Variants in NELL1 observed in about 807,000 individuals in gnomAD.
NELL1 encodes the protein neural EGFL like 1.
NELL1 carries 76 observed loss-of-function variants against 107.4 expected under a neutral mutation model. The ratio of observed to expected loss-of-function variants is 0.71; its 90% CI spans 0.59 to 0.86. The LOEUF is 0.86. Ranked by LOEUF, NELL1 falls within the 40% of genes least tolerant of loss-of-function variation. The pLI is 0.00. For missense variants in NELL1, 1,024 were observed against 1,005.5 expected (o/e 1.02, Z -0.25); for synonymous variants, 353 against 341.2 (o/e 1.03, Z -0.38).
At chr11:20,742,387 G>A (rs542255207) in intron 2 of NELL1, among the ~76,000 whole-genome samples, 2 of 152,252 alleles carry the variant, frequency 1.3e-5, no homozygotes, top group Non-Finnish European at 2.9e-5. Flanking sequence ...CTTTCCTCGA[G>A]ACTCAGGGAT....
At chr11:20,898,248 G>A (rs371488767) in intron 5 of NELL1, among the ~76,000 whole-genome samples, 1 of 152,078 alleles carries the variant, frequency 6.6e-6, no homozygotes, top group Non-Finnish European at 1.5e-5. Flanking sequence ...CCATAAAAAA[G>A]GATGAGTTCA....
intron 15 of NELL1, among the ~76,000 whole-genome samples, chr11:21,419,682 A>G (rs148349683): frequency 1.2e-4 from 19 of 152,238 alleles, no homozygotes; most frequent in African/African-American, 4.6e-4. Flanking sequence ...TTTCCCAACC[A>G]TTTGAGAGAA....
intron 2 of NELL1, among the ~76,000 whole-genome samples, chr11:20,729,120 T>A (rs1855571685): frequency 1.1e-5 from 1 of 87,558 alleles, no homozygotes; most frequent in Non-Finnish European, 2.4e-5. Context: ...ATTATTGGTA[T>A]ATAAAAATGC....
intron 2 of NELL1, among the ~76,000 whole-genome samples, chr11:20,701,270 C>T (rs1202554760): frequency 1.3e-5 from 2 of 152,122 alleles, no homozygotes; most frequent in Non-Finnish European, 2.9e-5. Context: ...TCATGATGAG[C>T]ATTTTTTCAT....
chr11:21,473,777 G>A lies in NELL1; in HGVS notation c.1646-60597G>A, dbSNP rs533919192. 7.2e-5 allele frequency among the ~76,000 whole-genome samples: 11 copies of A among 152,082 alleles called. No individual in the cohort carries two copies. The East Asian group carries it at 1.4e-3, about 19-fold the overall frequency. On this transcript the variant is annotated intron_variant, in intron 15 of 19. Coordinates refer to ENST00000357134, the MANE Select transcript of NELL1 (RefSeq NM_006157.5). ...TTCTAAGGCTTACGTGGGACACCCC[G>A]TAGTATATTGCAATATTGGAGTCAC...
intron 14 of NELL1, among the ~76,000 whole-genome samples, chr11:21,329,131 G>A (rs909953238): frequency 1.3e-5 from 2 of 152,098 alleles, no homozygotes; most frequent in African/African-American, 2.4e-5. Flanking sequence ...TGGTTCATCT[G>A]TATCCTTACC....
At chr11:20,912,453 CTGATTAT>C (rs1025214721) in intron 5 of NELL1, among the ~76,000 whole-genome samples, 1 of 152,110 alleles carries the variant, frequency 6.6e-6, no homozygotes, top group Admixed American at 6.6e-5. Context: ...GCATTCTGAG[CTGATTAT>C]GCTGTTACAA....
At chr11:21,141,827 G>A (rs1224395599) in intron 13 of NELL1, among the ~76,000 whole-genome samples, 1 of 151,870 alleles carries the variant, frequency 6.6e-6, no homozygotes, top group Non-Finnish European at 1.5e-5. Context: ...GCAATGGCAT[G>A]ATCTCGGCTC....
At chr11:20,897,311 G>A (rs972587740) in intron 5 of NELL1, among the ~76,000 whole-genome samples, 40 of 152,156 alleles carry the variant, frequency 2.6e-4, no homozygotes, top group Non-Finnish European at 4.9e-4. Flanking sequence ...AAGAAATGGG[G>A]AAAGGATTCC....
At chr11:21,573,451 C>A in intron 19 of NELL1, 42 bp downstream of exon 19, 1 of 1,550,962 alleles carries the variant, frequency 6.4e-7, no homozygotes, top group Non-Finnish European at 8.9e-7. Flanking sequence ...TGAACAATTG[C>A]CAGAGAACAC....
At chr11:20,727,388 A>G (rs1855532296) in intron 2 of NELL1, among the ~76,000 whole-genome samples, 1 of 152,204 alleles carries the variant, frequency 6.6e-6, no homozygotes, top group Admixed American at 6.5e-5. Context: ...GGCTGCATAA[A>G]TGTCTTCTTT....
chr11:21,340,601 C>T (rs1404010871), intron 14 of NELL1, among the ~76,000 whole-genome samples: 2 of 135,178 alleles, frequency 1.5e-5, no homozygotes, highest in African/African-American at 5.5e-5. Flanking sequence ...GGGTGGGCAC[C>T]TAACCCTTTA....
At chr11:21,120,120 G>A (rs1855331293) in intron 13 of NELL1, among the ~76,000 whole-genome samples, 1 of 152,032 alleles carries the variant, frequency 6.6e-6, no homozygotes, top group Non-Finnish European at 1.5e-5. Context: ...AAACCTTAAA[G>A]GAAGTTTATG....
intron 17 of NELL1, among the ~76,000 whole-genome samples, chr11:21,569,208 T>G (rs1184581574): frequency 8.2e-6 from 1 of 121,242 alleles, no homozygotes; most frequent in Non-Finnish European, 2.0e-5. Flanking sequence ...GGCACATGAC[T>G]TTATTGAAAA....
At chr11:21,149,367 A>C (rs1856061428) in intron 13 of NELL1, among the ~76,000 whole-genome samples, 1 of 152,252 alleles carries the variant, frequency 6.6e-6, no homozygotes, top group Admixed American at 6.5e-5. Flanking sequence ...TAATTGGCTC[A>C]CAGTTCCATG....
At chr11:21,323,607 A>T (rs750142275) in intron 14 of NELL1, among the ~76,000 whole-genome samples, 1 of 152,136 alleles carries the variant, frequency 6.6e-6, no homozygotes, top group Non-Finnish European at 1.5e-5. Flanking sequence ...TGTCTCCAAG[A>T]TGGCTGCCCT....
At chr11:21,443,799 G>A (rs1590936521) in intron 15 of NELL1, among the ~76,000 whole-genome samples, 1 of 151,024 alleles carries the variant, frequency 6.6e-6, no homozygotes, top group African/African-American at 2.4e-5. Flanking sequence ...GCAGTAAGAC[G>A]AGATTACACC....
At position 21,534,515 on chromosome 11, in the gene NELL1, G is replaced by A; in HGVS notation, c.1786+1G>A. On this transcript the variant is annotated splice_donor_variant, in intron 16 of 19. Coordinates refer to ENST00000357134, the MANE Select transcript of NELL1 (RefSeq NM_006157.5). LOFTEE classifies it high-confidence loss of function. ...TCACTGTCCGGGGAGTCCTGTATTG[G>A]TAAGCAGCTTTCAGGCATGCCCTCC... 3.7e-6 allele frequency: 6 copies of A among 1,613,652 alleles called. No homozygotes were observed. The highest frequency in any genetic ancestry group is 5.1e-6 in the Non-Finnish European group (6 of 1,179,708).
chr11:21,100,656 T>G (rs370996547), intron 12 of NELL1, among the ~76,000 whole-genome samples: 2 of 152,214 alleles, frequency 1.3e-5, no homozygotes, highest in East Asian at 1.9e-4. Flanking sequence ...ACACCAATGT[T>G]GCAGCATTAT....
Sources: allele counts gnomAD v4.1 joint callset (sites outside exome capture counted in the v4.1 genomes callset), GRCh38; gene constraint gnomAD v4.1.1; transcripts MANE v1.5; gene names NCBI Gene and HGNC (gene_info 2026-07-23, HGNC 2026-07-21).